The following NRG1 variants were observed in gnomAD, a reference collection of about 807,000 sequenced individuals.
NRG1 encodes the protein neuregulin 1.
A neutral mutation model predicts 63.8 loss-of-function variants in NRG1; 18 were observed. The observed-to-expected ratio is 0.28, with a 90% CI of 0.19 to 0.42. The LOEUF (loss-of-function observed/expected upper bound fraction) is 0.42. NRG1 is among the 10% of genes least tolerant of loss of function. The probability of loss-of-function intolerance (pLI) is 1.00; values close to 1 mark genes in which losing one functional copy is unlikely to be tolerated. For missense variants in NRG1, 762 were observed against 814.7 expected (o/e 0.94, Z 0.79); for synonymous variants, 302 against 301.3 (o/e 1.00, Z -0.02).
intron 1 of NRG1, among the ~76,000 whole-genome samples, chr8:32,040,727 T>TG (rs1563713128): frequency 3.1e-4 from 35 of 113,676 alleles, no homozygotes; most frequent in African/African-American, 9.1e-4. Context: ...TATATATATA[T>TG]ATATATATAT....
At chr8:32,655,695 A>G (rs1309405736) in intron 5 of NRG1, among the ~76,000 whole-genome samples, 1 of 152,204 alleles carries the variant, frequency 6.6e-6, no homozygotes, top group African/African-American at 2.4e-5. Context: ...GTTAGAATAC[A>G]TAGATTATTA....
chr8:32,399,431 C>T (rs1196662419), intron 1 of NRG1, among the ~76,000 whole-genome samples: 3 of 152,212 alleles, frequency 2.0e-5, no homozygotes, highest in Non-Finnish European at 4.4e-5. Flanking sequence ...TGGTGGCTCA[C>T]GCCTGTAATC....
At chr8:31,938,509 C>A (rs1801271214) in intron 1 of NRG1, among the ~76,000 whole-genome samples, 1 of 151,992 alleles carries the variant, frequency 6.6e-6, no homozygotes, top group Non-Finnish European at 1.5e-5. Context: ...TTATTTAACA[C>A]CCCCCAAAAA....
At chr8:32,508,107 T>C (rs766871609) in intron 1 of NRG1, among the ~76,000 whole-genome samples, 4 of 152,338 alleles carry the variant, frequency 2.6e-5, no homozygotes, top group South Asian at 2.1e-4. Context: ...TTTTCAACCA[T>C]TAACAAAGAA....
chr8:32,736,860 G>A (rs188340565), intron 6 of NRG1, among the ~76,000 whole-genome samples: 97 of 151,908 alleles, frequency 6.4e-4, no homozygotes, highest in African/African-American at 2.2e-3. Flanking sequence ...CTTGGGGTCC[G>A]TGAATATCTA....
At chr8:32,590,154 G>A (rs1447836412) in intron 1 of NRG1, among the ~76,000 whole-genome samples, 1 of 152,226 alleles carries the variant, frequency 6.6e-6, no homozygotes, top group Non-Finnish European at 1.5e-5. Flanking sequence ...CCTGTGAAAT[G>A]TGTGGCATTG....
chr8:31,955,376 A>T (rs985349563), intron 1 of NRG1, among the ~76,000 whole-genome samples: 1 of 152,226 alleles, frequency 6.6e-6, no homozygotes, highest in Non-Finnish European at 1.5e-5. Context: ...GCTTCATTTG[A>T]GAAGCTGGTA....
intron 5 of NRG1, among the ~76,000 whole-genome samples, chr8:32,692,627 A>G (rs1197597331): frequency 1.3e-5 from 2 of 152,208 alleles, no homozygotes; most frequent in Non-Finnish European, 2.9e-5. Flanking sequence ...GAACAACAGC[A>G]TTTGCCTTTT....
At chr8:32,197,011 G>GT (rs1843028002) in intron 1 of NRG1, among the ~76,000 whole-genome samples, 1 of 128,586 alleles carries the variant, frequency 7.8e-6, no homozygotes, top group Non-Finnish European at 1.6e-5. Flanking sequence ...CCAGGCTGGA[G>GT]TGCAGTGGCG....
chr8:31,692,007 A>AT (rs1390771405), intron 1 of NRG1, among the ~76,000 whole-genome samples: 1 of 151,926 alleles, frequency 6.6e-6, no homozygotes, highest in Non-Finnish European at 1.5e-5. Flanking sequence ...TAATTTATTT[A>AT]TTTTTTGAAG....
At position 32,578,807 on chromosome 8, in the gene NRG1, T is replaced by C. The variant is rs552704818; in HGVS notation, c.101-17021T>C. ...AGATATTTGAGGTACACCAAAGTAATGCAAGAAATATCTTTCTTTAGAGCT... is the reference window on the plus strand; with the variant it reads ...AGATATTTGAGGTACACCAAAGTAACGCAAGAAATATCTTTCTTTAGAGCT... On this transcript the variant is annotated intron_variant, in intron 1 of 11. Coordinates refer to ENST00000356819, the Ensembl canonical transcript of NRG1. 3.3e-5 allele frequency among the ~76,000 whole-genome samples: 5 copies of C among 152,342 alleles called. 1 individual carries two copies. Among genetic ancestry groups the C allele is most frequent in the African/African-American group, 9.6e-5 (4 of 41,586 alleles).
At chr8:32,108,177 T>C (rs1831522671) in intron 1 of NRG1, among the ~76,000 whole-genome samples, 1 of 152,202 alleles carries the variant, frequency 6.6e-6, no homozygotes, top group African/African-American at 2.4e-5. Flanking sequence ...CCTGTCAGTA[T>C]GCTCTGTAAC....
chr8:32,431,862 T>C (rs1818191339), intron 1 of NRG1, among the ~76,000 whole-genome samples: 1 of 152,156 alleles, frequency 6.6e-6, no homozygotes. Context: ...TAAACCTAAA[T>C]GTGTGAACAC....
chr8:32,753,067 T>C (rs1213980134), intron 7 of NRG1, among the ~76,000 whole-genome samples: 1 of 152,214 alleles, frequency 6.6e-6, no homozygotes, highest in African/African-American at 2.4e-5. Flanking sequence ...ACTGCAGATA[T>C]AATATGGAAA....
chr8:32,206,261 G>A (rs1844050209), intron 1 of NRG1, among the ~76,000 whole-genome samples: 1 of 152,150 alleles, frequency 6.6e-6, no homozygotes, highest in South Asian at 2.1e-4. Flanking sequence ...GAGAGCCACA[G>A]GGTATCCTAC....
chr8:31,912,107 T>A (rs978270093), intron 1 of NRG1, among the ~76,000 whole-genome samples: 2 of 152,208 alleles, frequency 1.3e-5, no homozygotes, highest in African/African-American at 2.4e-5. Context: ...GAGGAGGCAT[T>A]CAATTAATGA....
chr8:32,199,933 T>A (rs1415117010), intron 1 of NRG1, among the ~76,000 whole-genome samples: 1 of 152,004 alleles, frequency 6.6e-6, no homozygotes, highest in African/African-American at 2.4e-5. Context: ...GTGCGCACCA[T>A]CATGCCCAAC....
chr8:32,065,271 T>C (rs1178123158), intron 1 of NRG1, among the ~76,000 whole-genome samples: 1 of 152,212 alleles, frequency 6.6e-6, no homozygotes, highest in Non-Finnish European at 1.5e-5. Context: ...GTTACATATG[T>C]ATACATGTGC....
chr8:32,090,818 A>G (rs1344079333), intron 1 of NRG1, among the ~76,000 whole-genome samples: 1 of 152,202 alleles, frequency 6.6e-6, no homozygotes, highest in African/African-American at 2.4e-5. Context: ...AGGTCTTCTT[A>G]GTTTATGTCC....
Sources: gnomAD v4.1 joint callset for allele counts (sites outside exome capture counted in the v4.1 genomes callset) on GRCh38, gnomAD v4.1.1 for gene constraint, MANE v1.5 for transcripts, NCBI Gene and HGNC (gene_info 2026-07-23, HGNC 2026-07-21) for gene names.